SIRT5: variants seen among roughly 807,000 people sequenced by gnomAD.
The protein encoded by SIRT5 is sirtuin 5.
SIRT5 carries 26 observed loss-of-function variants against 40.0 expected under a neutral mutation model. That is an observed-to-expected ratio of 0.65 (90% CI 0.48 to 0.90). The LOEUF (loss-of-function observed/expected upper bound fraction) is 0.90. Among genes scored for constraint, SIRT5 ranks in the 40% least tolerant of loss-of-function variants. The probability of loss-of-function intolerance (pLI) is 0.00; values close to 1 mark genes in which losing one functional copy is unlikely to be tolerated. For missense variants in SIRT5, 401 were observed against 402.4 expected (o/e 1.00, Z 0.03); for synonymous variants, 146 against 149.1 (o/e 0.98, Z 0.15).
Position 13,612,161 on chromosome 6 carries a change from T to C in SIRT5, c.*296T>C, listed in dbSNP as rs201233702. On this transcript the variant is annotated 3_prime_UTR_variant, in exon 10 of 10. Coordinates refer to ENST00000606117, the MANE Select transcript of SIRT5 (RefSeq NM_012241.5). Reference sequence around the variant, plus strand: ...GAGGGAAAAATTTTGTAAATTAGATTGTCTAAAAAAAATAGTTATTCTGAT... The same window carrying C: ...GAGGGAAAAATTTTGTAAATTAGATCGTCTAAAAAAAATAGTTATTCTGAT... 4.3e-6 allele frequency: 1 copy of C among 235,048 alleles called. No individual in the cohort carries two copies. Among genetic ancestry groups the C allele is most frequent in the Non-Finnish European group, 8.2e-6 (1 of 121,542 alleles). The allele number at this position is 235,048 out of a possible 1,614,324, so 14.6% of individuals were successfully genotyped here. A position where few individuals can be genotyped will look rare whatever the true frequency, so the allele number is the denominator to read the frequency against.
chr6:13,601,186 C>T (rs988133639), intron 9 of SIRT5, among the ~76,000 whole-genome samples: 7 of 152,118 alleles, frequency 4.6e-5, no homozygotes, highest in African/African-American at 1.4e-4. Context: ...ACATTTTGAA[C>T]GCTCTTCTTG....
intron 4 of SIRT5, chr6:13,589,138 G>C (rs1393183137): frequency 6.6e-6 from 1 of 152,650 alleles, no homozygotes; most frequent in African/African-American, 2.4e-5. Flanking sequence ...GGAAGACAAG[G>C]AATTGTTTGA....
chr6:13,604,448 T>G, intron 9 of SIRT5: 1 of 1,326,668 alleles, frequency 7.5e-7, no homozygotes, highest in Non-Finnish European at 1.1e-6. Context: ...GTCCCCAGTT[T>G]GGTTCTTCTA....
Position 13,600,869 on chromosome 6 carries a change from G to A in SIRT5, c.777G>A (p.Met259Ile). 2.5e-6 allele frequency: 4 copies of A among 1,614,110 alleles called. No homozygotes were observed. The highest frequency in any genetic ancestry group is 3.4e-6 in the Non-Finnish European group (4 of 1,179,990). ...CCTCTGTGGTGTACCCAGCAGCCAT[G>A]TTTGCCCCCCAGGTGGCTGCCAGGG... ...GTSSVVYPAA[M>I]FAPQVAARGV... is the part of the protein sequence containing the mutation. The change falls in exon 9 of 10, where the codon ATG becomes ATA. Residue 259 changes from methionine to isoleucine, a missense_variant. By Grantham distance (10) the Met-to-Ile change is conservative. Coordinates refer to ENST00000606117, the MANE Select transcript of SIRT5 (RefSeq NM_012241.5).
At position 13,612,042 on chromosome 6, in the gene SIRT5, C is replaced by G. The variant is rs200957740; in HGVS notation, c.*177C>G. 8.2e-6 allele frequency: 4 copies of G among 488,508 alleles called. No individual in the cohort carries two copies. The highest frequency in any genetic ancestry group is 1.4e-5 in the Non-Finnish European group (4 of 276,630). The allele number at this position is 488,508 out of a possible 1,614,324, so 30.3% of individuals were successfully genotyped here. On this transcript the variant is annotated 3_prime_UTR_variant, in exon 10 of 10. Transcript: ENST00000606117. ...GGGTTTAGAAGTAGCAAAGAGCACC[C>G]ACATTCAAAAGTCACAGAACTGGAA...
Position 13,591,655 on chromosome 6 carries a change from T to C in SIRT5, c.250-14T>C. On this transcript the variant is annotated splice_polypyrimidine_tract_variant and intron_variant, in intron 4 of 9. Transcript: ENST00000606117. ...CTCTGCCTCCCTCACTCCTGCCTCC[T>C]CTCCCACTCCCAGGACCTGGCGACT... 6.6e-7 allele frequency: 1 copy of C among 1,522,476 alleles called. No homozygotes were observed. Among genetic ancestry groups the C allele is most frequent in the Non-Finnish European group, 8.9e-7 (1 of 1,126,904 alleles). 94.3% of individuals were successfully genotyped at this position (1,522,476 alleles called of 1,614,324 possible). A position where few individuals can be genotyped will look rare whatever the true frequency, so the allele number is the denominator to read the frequency against.
intron 9 of SIRT5, among the ~76,000 whole-genome samples, chr6:13,610,028 T>C (rs1763625828): frequency 6.6e-6 from 1 of 152,100 alleles, no homozygotes; most frequent in East Asian, 1.9e-4. Context: ...TGTACAGTGG[T>C]ATAATCATAA....
chr6:13,611,425 G>A (rs1763911645), intron 9 of SIRT5, among the ~76,000 whole-genome samples: 1 of 150,986 alleles, frequency 6.6e-6, no homozygotes, highest in South Asian at 2.1e-4. Flanking sequence ...AATGAGTTTG[G>A]CAGTACAGTC....
In SIRT5 at chr6:13,614,253, T is replaced by C. The variant is rs1381057163; in HGVS notation, c.*2388T>C. The C allele has an allele frequency of 6.6e-6, 1 of 152,176 alleles. No individual in the cohort carries two copies. The highest frequency in any genetic ancestry group is 2.4e-5 in the African/African-American group (1 of 41,430). The allele number at this position is 152,176 out of a possible 1,614,324, so 9.4% of individuals were successfully genotyped here. A position where few individuals can be genotyped will look rare whatever the true frequency, so the allele number is the denominator to read the frequency against. On this transcript the variant is annotated 3_prime_UTR_variant, in exon 10 of 10. Transcript: ENST00000606117. ...ATAAGCTGTTATGAAGTGCAGAAAC[T>C]ACACAGACATTTGTGCGGGTTCAGA...
intron 3 of SIRT5, chr6:13,584,951 G>A (rs2127627629): frequency 1.3e-5 from 2 of 152,276 alleles, no homozygotes; most frequent in East Asian, 3.9e-4. Flanking sequence ...AGAAGAGTAG[G>A]CTTTTTCCTC....
chr6:13,605,475 CTAGA>C (rs1378455558), intron 9 of SIRT5: 29 of 985,278 alleles, frequency 2.9e-5, no homozygotes, highest in Admixed American at 6.2e-5. Flanking sequence ...AAATAGGCAG[CTAGA>C]ATGCTGCCTA....
intron 2 of SIRT5, among the ~76,000 whole-genome samples, chr6:13,582,628 A>AAG (rs1382604082): frequency 1.8e-4 from 27 of 151,952 alleles, no homozygotes; most frequent in African/African-American, 6.5e-4. Flanking sequence ...AAAAAAAAAA[A>AAG]AAATTCCCGC....
chr6:13,591,964 C>A, intron 5 of SIRT5, 70 bp downstream of exon 5: 1 of 1,382,194 alleles, frequency 7.2e-7, no homozygotes, highest in Non-Finnish European at 1.0e-6. Context: ...TCAGCATCAC[C>A]TCTGGTGCCT....
At chr6:13,576,063 A>G (rs995933457) in intron 1 of SIRT5, among the ~76,000 whole-genome samples, 3 of 152,218 alleles carry the variant, frequency 2.0e-5, no homozygotes, top group African/African-American at 4.8e-5. Flanking sequence ...CAGTTGATGG[A>G]TACTTAGTTG....
rs1764091672 is a variant in SIRT5, at chr6:13,613,242, G to A, written c.*1377G>A. Reference sequence around the variant, plus strand: ...GCTGTCAGATGCATCTGCCATACAGGGTCATTCTCAGGGGATGCTTAAGTT... The same window carrying A: ...GCTGTCAGATGCATCTGCCATACAGAGTCATTCTCAGGGGATGCTTAAGTT... On this transcript the variant is annotated 3_prime_UTR_variant, in exon 10 of 10. Coordinates refer to ENST00000606117, the MANE Select transcript of SIRT5 (RefSeq NM_012241.5). The A allele has an allele frequency of 6.6e-6, 1 of 152,206 alleles. No homozygotes were observed. Among genetic ancestry groups the A allele is most frequent in the African/African-American group, 2.4e-5 (1 of 41,426 alleles). 9.4% of individuals were successfully genotyped at this position (152,206 alleles called of 1,614,324 possible). A position where few individuals can be genotyped will look rare whatever the true frequency, so the allele number is the denominator to read the frequency against.
At chr6:13,596,861 A>T in intron 6 of SIRT5, 102 bp from the exon 7 acceptor site, 1 of 904,112 alleles carries the variant, frequency 1.1e-6, no homozygotes, top group Non-Finnish European at 1.7e-6. Context: ...TAGGAGTTTT[A>T]TACCACATAC....
intron 1 of SIRT5, among the ~76,000 whole-genome samples, chr6:13,576,029 G>A (rs930326633): frequency 6.6e-6 from 1 of 152,134 alleles, no homozygotes; most frequent in African/African-American, 2.4e-5. Flanking sequence ...GTATATATGT[G>A]CCACATTTTC....
At chr6:13,593,930 T>G (rs1161172166) in intron 5 of SIRT5, among the ~76,000 whole-genome samples, 1 of 152,218 alleles carries the variant, frequency 6.6e-6, no homozygotes, top group African/African-American at 2.4e-5. Flanking sequence ...TTTCATGCTC[T>G]GTGTCTCGGG....
chr6:13,581,318 T>G (rs1759316876), intron 2 of SIRT5, among the ~76,000 whole-genome samples: 2 of 152,220 alleles, frequency 1.3e-5, no homozygotes, highest in South Asian at 2.1e-4. Flanking sequence ...TTTGATACTT[T>G]TCTGAAGAGT....
Sources: allele counts gnomAD v4.1 joint callset (sites outside exome capture counted in the v4.1 genomes callset), GRCh38; gene constraint gnomAD v4.1.1; transcripts MANE v1.5; gene names NCBI Gene and HGNC (gene_info 2026-07-23, HGNC 2026-07-21).